PPFIA3: variants seen among roughly 807,000 people sequenced by gnomAD.
The protein encoded by PPFIA3 is PPFI scaffold protein A3.
A neutral mutation model predicts 145.8 loss-of-function variants in PPFIA3; 26 were observed. The observed-to-expected ratio is 0.18, with a 90% CI of 0.13 to 0.25. The LOEUF (loss-of-function observed/expected upper bound fraction) is 0.25, where lower values mean the gene tolerates loss of function less well. Ranked by LOEUF, PPFIA3 falls within the 10% of genes least tolerant of loss-of-function variation. The pLI is 1.00. For missense variants in PPFIA3, 1,008 were observed against 1,587.8 expected (o/e 0.63, Z 6.21); for synonymous variants, 645 against 661.4 (o/e 0.98, Z 0.38).
At chr19:49,141,579 T>TGAGC (rs1360585769) in intron 19 of PPFIA3, 66 bp downstream of exon 19, 1 of 1,081,452 alleles carries the variant, frequency 9.2e-7, no homozygotes, top group Non-Finnish European at 1.3e-6. Context: ...AGGGTGTGTG[T>TGAGC]GTGCGTGTAT....
Position 49,128,627 on chromosome 19 carries a change from C to T in PPFIA3, c.342+159C>T, listed in dbSNP as rs967569102. The T allele has an allele frequency of 1.9e-5, 15 of 773,908 alleles. No individual in the cohort carries two copies. In the African/African-American group the frequency reaches 2.4e-4, roughly 13 times the overall value. The allele number at this position is 773,908 out of a possible 1,614,324, so 47.9% of individuals were successfully genotyped here. A position where few individuals can be genotyped will look rare whatever the true frequency, so the allele number is the denominator to read the frequency against. ...TGCTCCCACTTCCTGGCTGGTCTCC[C>T]ACTCTGGTGCCACTCCTTCCTCCCT... On this transcript the variant is annotated intron_variant, in intron 3 of 29. Transcript: ENST00000334186. The surrounding 1 kb of genome is among the most constrained non-coding windows in gnomAD (Gnocchi z 4.1).
At position 49,128,966 on chromosome 19, in the gene PPFIA3, A is replaced by G. The variant is rs1275709082; in HGVS notation, c.461A>G (p.Lys154Arg). 6.2e-7 allele frequency: 1 copy of G among 1,613,000 alleles called. No individual in the cohort carries two copies. Among genetic ancestry groups the G allele is most frequent in the Non-Finnish European group, 8.5e-7 (1 of 1,179,588 alleles). Residue 154 changes from lysine to arginine, a missense_variant, in exon 4 of 30, where the codon AAA becomes AGA. Physicochemically the swap from Lys to Arg is conservative, Grantham distance 26. This residue lies in a region of PPFIA3 where 25 missense variants were observed against 85.2 expected (regional missense o/e 0.29). Transcript: ENST00000334186. This position sits in a 1 kb window ranked among gnomAD's most constrained non-coding sequence, Gnocchi z 4.1. ...GGVSSEVEVLKALKSLFEHHK... is the reference protein window; with the variant it reads ...GGVSSEVEVLRALKSLFEHHK... Reference sequence around the variant, plus strand: ...GTCTCCTCGGAGGTAGAAGTGCTCAAAGCTCTAAAGTCTCTCTTCGAGCAC... The same window carrying G: ...GTCTCCTCGGAGGTAGAAGTGCTCAGAGCTCTAAAGTCTCTCTTCGAGCAC...
rs745429638 is a variant in PPFIA3 at position 49,145,929 on chromosome 19, T to C, written c.2746-14T>C. ...GCCCTCTCCCACCATCCATTAACAC[T>C]CCCTGCCCCTCAGTCCACAGGAAAC... is the stretch of plus-strand genomic sequence containing the variant. On this transcript the variant is annotated splice_polypyrimidine_tract_variant and intron_variant, in intron 21 of 29. Coordinates refer to ENST00000334186, the MANE Select transcript of PPFIA3 (RefSeq NM_003660.4). 5.6e-6 allele frequency: 9 copies of C among 1,613,064 alleles called. No individual in the cohort carries two copies. The highest frequency in any genetic ancestry group is 7.6e-6 in the Non-Finnish European group (9 of 1,179,320).
rs1404417006 is a variant in PPFIA3, at chr19:49,134,613, C to T, written c.1378-26C>T. The stretch of plus-strand genomic sequence containing the variant: ...CGGGCGTGGCCCCTCAGGCCTCACT[C>T]CCTCACTTCACCTCTGTCTCCACAG... On this transcript the variant is annotated intron_variant, in intron 11 of 29. Transcript: ENST00000334186. The T allele has an allele frequency of 1.7e-5, 28 of 1,610,760 alleles. No individual in the cohort carries two copies. In the Admixed American group the frequency reaches 4.7e-4, roughly 27 times the overall value.
At position 49,129,375 on chromosome 19, in the gene PPFIA3, C is replaced by T; in HGVS notation, c.508-5C>T. ...AGCTGACTGTTGCCCTGCCCCGATC[C>T]CCAGGTCCGGGAGCGGCTGCGGATG... On this transcript the variant is annotated splice_region_variant and splice_polypyrimidine_tract_variant and intron_variant, in intron 4 of 29. Transcript: ENST00000334186. 1 of 1,549,838 alleles carries T rather than the reference C, an allele frequency of 6.5e-7. No individual in the cohort carries two copies. The highest frequency in any genetic ancestry group is 1.4e-5 in the African/African-American group (1 of 73,190).
chr19:49,147,290 A>G (rs940941767), intron 23 of PPFIA3, among the ~76,000 whole-genome samples: 2 of 151,942 alleles, frequency 1.3e-5, no homozygotes, highest in African/African-American at 4.8e-5. Flanking sequence ...GGTGGCACAC[A>G]CCTGTAGTCT....
At chr19:49,134,258 A>C in intron 11 of PPFIA3, 93 bp downstream of exon 11, 2 of 1,484,428 alleles carry the variant, frequency 1.3e-6, no homozygotes, top group Non-Finnish European at 1.8e-6. Context: ...CAGATCTGTT[A>C]TCGGAGGCCT....
In PPFIA3 at chr19:49,123,695, G is replaced by T. The variant is rs1363497931; in HGVS notation, c.-16+3973G>T. On this transcript the variant is annotated intron_variant, in intron 1 of 29. Coordinates refer to ENST00000334186, the MANE Select transcript of PPFIA3 (RefSeq NM_003660.4). Reference sequence around the variant, plus strand: ...GACCTCAAATGATCCCCCGGGCTCAGCCTCCCAAAATGCTGGGATTACAGG... The same window carrying T: ...GACCTCAAATGATCCCCCGGGCTCATCCTCCCAAAATGCTGGGATTACAGG... 5.9e-5 allele frequency among the ~76,000 whole-genome samples: 9 copies of T among 152,246 alleles called. No homozygotes were observed. In the East Asian group the frequency reaches 1.5e-3, roughly 26 times the overall value.
chr19:49,133,987 T>C lies in PPFIA3; in HGVS notation c.1246-47T>C. On this transcript the variant is annotated intron_variant, in intron 10 of 29. Coordinates refer to ENST00000334186, the MANE Select transcript of PPFIA3 (RefSeq NM_003660.4). The surrounding 1 kb of genome is among the most constrained non-coding windows in gnomAD (Gnocchi z 7.2). ...GTGGGGCTTAGAGGAAGGGCCGTGG[T>C]CTGGGCAGGGTGGGCTTAACAACCC... 2 of 1,605,020 alleles carry C rather than the reference T, an allele frequency of 1.2e-6. No individual in the cohort carries two copies. Among genetic ancestry groups the C allele is most frequent in the Non-Finnish European group, 1.7e-6 (2 of 1,175,380 alleles).
chr19:49,125,986 A>C (rs2040993249), intron 1 of PPFIA3, among the ~76,000 whole-genome samples: 1 of 150,956 alleles, frequency 6.6e-6, no homozygotes, highest in African/African-American at 2.5e-5. Context: ...GGGTCTCTCT[A>C]TATCGCCAAG....
At chr19:49,144,968 T>A (rs529991032) in intron 21 of PPFIA3, among the ~76,000 whole-genome samples, 1 of 150,786 alleles carries the variant, frequency 6.6e-6, no homozygotes, top group Admixed American at 6.6e-5. Context: ...TTTCACTCTG[T>A]CGCCCAGGCT....
At chr19:49,132,620 T>TTCTATTTCCCATGAGAAGGGTC (rs1322232600) in intron 7 of PPFIA3, among the ~76,000 whole-genome samples, 1 of 152,018 alleles carries the variant, frequency 6.6e-6, no homozygotes. Flanking sequence ...GAAGGGATCC[T>TTCTATTTCCCATGAGAAGGGTC]TATTTCCCAT....
Position 49,128,515 on chromosome 19 carries a change from G to C in PPFIA3, c.342+47G>C. The C allele has an allele frequency of 1.3e-6, 2 of 1,521,048 alleles. No homozygotes were observed. The highest frequency in any genetic ancestry group is 1.4e-5 in the African/African-American group (1 of 72,874). 94.2% of individuals were successfully genotyped at this position (1,521,048 alleles called of 1,614,324 possible). A position where few individuals can be genotyped will look rare whatever the true frequency, so the allele number is the denominator to read the frequency against. On this transcript the variant is annotated intron_variant, in intron 3 of 29. Transcript: ENST00000334186. This position sits in a 1 kb window ranked among gnomAD's most constrained non-coding sequence, Gnocchi z 4.1. ...GCCTAAGTGGGGGCGGGGCCTCGTG[G>C]TGTTGAAGTGGGGGGCGGGGCCTCT...
intron 15 of PPFIA3, among the ~76,000 whole-genome samples, chr19:49,137,656 A>AAAAAAAAAAAAAAAAAAAAACAAAC (rs2041156894): frequency 7.9e-6 from 1 of 126,940 alleles, no homozygotes; most frequent in Non-Finnish European, 1.7e-5. Context: ...AAAAAAAAAA[A>AAAAAAAAAAAAAAAAAAAAACAAAC]AAGTCCCCAA....
In PPFIA3 at chr19:49,148,767, A is replaced by C. The variant is rs767327420; in HGVS notation, c.3109+4A>C. 6.2e-7 allele frequency: 1 copy of C among 1,611,158 alleles called. No homozygotes were observed. Among genetic ancestry groups the C allele is most frequent in the Non-Finnish European group, 8.5e-7 (1 of 1,177,638 alleles). On this transcript the variant is annotated splice_donor_region_variant and intron_variant, in intron 25 of 29. Transcript: ENST00000334186. Reference sequence around the variant, plus strand: ...GAAAGTCAGACCCAGATCCGAGGTGAGTAGAGCCTAAGGGTCCCTTTGGGA... The same window carrying C: ...GAAAGTCAGACCCAGATCCGAGGTGCGTAGAGCCTAAGGGTCCCTTTGGGA...
At position 49,149,978 on chromosome 19, in the gene PPFIA3, C is replaced by A. The variant is rs981423902; in HGVS notation, c.3527-102C>A. 7 of 1,371,372 alleles carry A rather than the reference C, an allele frequency of 5.1e-6. No homozygotes were observed. The highest frequency in any genetic ancestry group is 7.0e-6 in the Non-Finnish European group (7 of 997,472). 85.0% of individuals were successfully genotyped at this position (1,371,372 alleles called of 1,614,324 possible). Reference sequence around the variant, plus strand: ...GGAGGGAAACCCATGTGGAGCCCGGCGATCGTTGTGACATCGGGAAGGGAA... The same window carrying A: ...GGAGGGAAACCCATGTGGAGCCCGGAGATCGTTGTGACATCGGGAAGGGAA... On this transcript the variant is annotated intron_variant, in intron 28 of 29. Coordinates refer to ENST00000334186, the MANE Select transcript of PPFIA3 (RefSeq NM_003660.4). The surrounding 1 kb of genome is among the most constrained non-coding windows in gnomAD (Gnocchi z 5.7).
At position 49,134,926 on chromosome 19, in the gene PPFIA3, C is replaced by T. The variant is rs2041119215; in HGVS notation, c.1520+11C>T. 6.5e-7 allele frequency: 1 copy of T among 1,544,858 alleles called. No homozygotes were observed. Among genetic ancestry groups the T allele is most frequent in the Admixed American group, 1.9e-5 (1 of 51,416 alleles). On this transcript the variant is annotated intron_variant, in intron 13 of 29. Coordinates refer to ENST00000334186, the MANE Select transcript of PPFIA3 (RefSeq NM_003660.4). The stretch of plus-strand genomic sequence containing the variant: ...ATCCTCCTACTCCAGGTGACAGCAG[C>T]CCTTCTGCCCTGCCCCCACCATGGA...
At chr19:49,140,214 A>G in intron 18 of PPFIA3, 126 bp downstream of exon 18, 1 of 1,264,086 alleles carries the variant, frequency 7.9e-7, no homozygotes, top group Non-Finnish European at 1.1e-6. Flanking sequence ...TTTATTTAGA[A>G]TTTGGAAGGA....
chr19:49,121,561 G>A (rs1326038571), intron 1 of PPFIA3, among the ~76,000 whole-genome samples: 1 of 152,096 alleles, frequency 6.6e-6, no homozygotes, highest in East Asian at 1.9e-4. Flanking sequence ...CGGATCACCT[G>A]AGGTCAGGAT....
Sources: allele counts gnomAD v4.1 joint callset (sites outside exome capture counted in the v4.1 genomes callset), GRCh38; gene constraint gnomAD v4.1.1; regional missense constraint gnomAD v4.1.1; non-coding constraint Gnocchi (gnomAD v3.1); transcripts MANE v1.5; gene names NCBI Gene and HGNC (gene_info 2026-07-23, HGNC 2026-07-21).